ME1: variants seen among roughly 807,000 people sequenced by gnomAD.
The protein encoded by ME1 is malic enzyme 1.
Under a neutral mutation model 66.4 loss-of-function variants are expected in ME1, and 74 were observed. The ratio of observed to expected loss-of-function variants is 1.11; its 90% CI spans 0.92 to 1.35. The LOEUF is 1.35. Ranked by LOEUF, ME1 falls within the 40% of genes most tolerant of loss-of-function variation. The pLI, the probability that ME1 is intolerant of heterozygous loss-of-function variation, is 0.00. For missense variants in ME1, 750 were observed against 694.1 expected, an observed-to-expected ratio of 1.08 and a Z score of -0.90; for synonymous variants, 251 against 235.6, an observed-to-expected ratio of 1.07 and a Z score of -0.60.
chr6:83,379,595 T>G (rs1024282532), intron 3 of ME1, among the ~76,000 whole-genome samples: 18 of 152,094 alleles, frequency 1.2e-4, no homozygotes, highest in Admixed American at 9.2e-4. Context: ...TAATGATATT[T>G]ATAATACATA....
intron 3 of ME1, among the ~76,000 whole-genome samples, chr6:83,394,322 TAAAGA>T (rs1769688638): frequency 6.6e-6 from 1 of 152,090 alleles, no homozygotes; most frequent in Non-Finnish European, 1.5e-5. Flanking sequence ...GTTTCTAGCA[TAAAGA>T]AAAGATAAAT....
intron 2 of ME1, among the ~76,000 whole-genome samples, chr6:83,401,809 G>A (rs1046597233): frequency 2.0e-5 from 3 of 152,162 alleles, no homozygotes; most frequent in Non-Finnish European, 4.4e-5. Flanking sequence ...GACTAACACT[G>A]ATTCCCTGAT....
At chr6:83,367,648 T>G (rs1769124500) in intron 3 of ME1, among the ~76,000 whole-genome samples, 2 of 152,204 alleles carry the variant, frequency 1.3e-5, no homozygotes, top group Non-Finnish European at 2.9e-5. Flanking sequence ...CTTCACCATT[T>G]TCTTCTGCAG....
chr6:83,356,747 TG>T (rs1215587737), intron 3 of ME1, among the ~76,000 whole-genome samples: 9 of 133,998 alleles, frequency 6.7e-5, no homozygotes, highest in Non-Finnish European at 1.2e-4. Context: ...TACATAAAAT[TG>T]TTTTTTTTTC....
chr6:83,325,748 C>A (rs1251777342), intron 5 of ME1, among the ~76,000 whole-genome samples: 2 of 152,056 alleles, frequency 1.3e-5, no homozygotes, highest in African/African-American at 4.8e-5. Flanking sequence ...CTTCCATGCT[C>A]ATGGATAGGA....
chr6:83,405,507 G>T (rs1337734506), intron 2 of ME1, among the ~76,000 whole-genome samples: 1 of 152,026 alleles, frequency 6.6e-6, no homozygotes, highest in Admixed American at 6.5e-5. Flanking sequence ...TCTTTCTCTT[G>T]CCTGATTGAC....
intron 4 of ME1, among the ~76,000 whole-genome samples, chr6:83,351,711 CT>C (rs1209268276): frequency 3.3e-5 from 5 of 152,152 alleles, no homozygotes; most frequent in African/African-American, 4.8e-5. Flanking sequence ...AATTAACAGA[CT>C]TTTTTTCTTG....
chr6:83,308,185 G>A (rs1767860237), intron 6 of ME1, among the ~76,000 whole-genome samples: 1 of 152,132 alleles, frequency 6.6e-6, no homozygotes, highest in Admixed American at 6.6e-5. Flanking sequence ...GGTTGAAGGA[G>A]GGTGTAGTAT....
intron 5 of ME1, among the ~76,000 whole-genome samples, chr6:83,344,254 A>AT (rs1768644144): frequency 6.6e-6 from 1 of 150,794 alleles, no homozygotes; most frequent in Non-Finnish European, 1.5e-5. Context: ...CCACTGCACT[A>AT]CAGCCTGGGT....
chr6:83,239,212 C>T (rs541793179), intron 8 of ME1, among the ~76,000 whole-genome samples: 30 of 151,982 alleles, frequency 2.0e-4, no homozygotes, highest in Non-Finnish European at 4.0e-4. Context: ...ATCAGATAAA[C>T]CAGCTTAAAT....
chr6:83,230,263 G>C (rs548622990), intron 9 of ME1, among the ~76,000 whole-genome samples: 1 of 151,676 alleles, frequency 6.6e-6, no homozygotes, highest in South Asian at 2.1e-4. Context: ...CGCAACCTCC[G>C]CCTCCCGGGT....
At chr6:83,290,601 G>C (rs1230120395) in intron 6 of ME1, among the ~76,000 whole-genome samples, 1 of 152,170 alleles carries the variant, frequency 6.6e-6, no homozygotes, top group Non-Finnish European at 1.5e-5. Context: ...TGTATATTCT[G>C]TTGATTTAGG....
intron 6 of ME1, among the ~76,000 whole-genome samples, chr6:83,309,764 C>T (rs1387516508): frequency 6.6e-6 from 1 of 151,922 alleles, no homozygotes; most frequent in Non-Finnish European, 1.5e-5. Flanking sequence ...GCTTCAAGCC[C>T]CGAAGCATTC....
At chr6:83,363,025 A>G (rs565315682) in intron 3 of ME1, among the ~76,000 whole-genome samples, 2 of 152,284 alleles carry the variant, frequency 1.3e-5, no homozygotes, top group Admixed American at 1.3e-4. Context: ...GCGCTGAGGC[A>G]AAGTTCTCCA....
At chr6:83,347,143 A>G (rs1562486694) in intron 4 of ME1, among the ~76,000 whole-genome samples, 1 of 151,940 alleles carries the variant, frequency 6.6e-6, no homozygotes, top group Non-Finnish European at 1.5e-5. Context: ...TAGTAGAGAC[A>G]GGGTTTCACC....
At chr6:83,238,838 T>C (rs1200826579) in intron 8 of ME1, among the ~76,000 whole-genome samples, 1 of 129,050 alleles carries the variant, frequency 7.7e-6, no homozygotes, top group Non-Finnish European at 1.8e-5. Context: ...AATATTTCTC[T>C]ATTACTTACA....
chr6:83,310,858 T>A (rs1308677513), intron 6 of ME1, among the ~76,000 whole-genome samples: 2 of 152,088 alleles, frequency 1.3e-5, no homozygotes, highest in Admixed American at 1.3e-4. Flanking sequence ...AGAGAAAGCT[T>A]ATGTCCAGAA....
At chr6:83,298,484 G>A (rs147577935) in intron 6 of ME1, among the ~76,000 whole-genome samples, 141 of 152,176 alleles carry the variant, frequency 9.3e-4, no homozygotes, top group African/African-American at 3.3e-3. Context: ...CAGATGGATA[G>A]ATTGCAAAAA....
At chr6:83,314,918 G>C (rs1768000691) in intron 6 of ME1, among the ~76,000 whole-genome samples, 1 of 152,100 alleles carries the variant, frequency 6.6e-6, no homozygotes, top group Admixed American at 6.5e-5. Context: ...CCATAAGAGA[G>C]TCAAATACCA....
Sources: allele counts gnomAD v4.1 joint callset (sites outside exome capture counted in the v4.1 genomes callset), GRCh38; gene constraint gnomAD v4.1.1; transcripts MANE v1.5; gene names NCBI Gene and HGNC (gene_info 2026-07-23, HGNC 2026-07-21).